The following RBM41 variants were observed in gnomAD, a reference collection of about 807,000 sequenced individuals.
RBM41 encodes RNA-binding protein 41.
A neutral mutation model predicts 30.8 loss-of-function variants in RBM41; 14 were observed. The ratio of observed to expected loss-of-function variants is 0.45; its 90% CI spans 0.30 to 0.71. The LOEUF is 0.71. RBM41 is among the 30% of genes least tolerant of loss of function. The probability of loss-of-function intolerance (pLI) is 0.08; values close to 1 mark genes in which losing one functional copy is unlikely to be tolerated. For synonymous variants in RBM41, 120 were observed against 110.1 expected, an observed-to-expected ratio of 1.09 and a Z score of -0.56; for missense variants, 276 against 326.3, an observed-to-expected ratio of 0.85 and a Z score of 1.19.
rs906179965 is a variant in RBM41 at position 107,063,192 on chromosome X, A to AC, written c.*4334dup. Among the ~76,000 whole-genome samples, 2 of 110,787 alleles carry AC rather than the reference A, an allele frequency of 1.8e-5. No homozygotes were observed. Among genetic ancestry groups the AC allele is most frequent in the Non-Finnish European group, 3.8e-5 (2 of 52,899 alleles). On this transcript the variant is annotated 3_prime_UTR_variant, in exon 8 of 8. Transcript: ENST00000685964. ...AGAAACTTCATACACTTCAACTGTT[A>AC]CCCCCAGCCCTTCCCATTCCCCCCA...
At chrX:107,113,246 CTCTT>C in intron 5 of RBM41, 147 bp downstream of exon 5, 1 of 669,522 alleles carries the variant, frequency 1.5e-6, no homozygotes, top group South Asian at 3.7e-5. Context: ...ACTAACTCCT[CTCTT>C]TAATATTCTG....
chrX:107,061,582 G>A (rs767966146), downstream of RBM41, among the ~76,000 whole-genome samples: 4 of 111,519 alleles, frequency 3.6e-5, no homozygotes, highest in Non-Finnish European at 3.8e-5. Flanking sequence ...AAAATGGTGG[G>A]CTTATATGTA....
At chrX:107,079,323 G>A (rs762028434) in intron 6 of RBM41, among the ~76,000 whole-genome samples, 54 of 111,737 alleles carry the variant, frequency 4.8e-4, no homozygotes, top group Non-Finnish European at 7.0e-4. Flanking sequence ...TCTGTAGATT[G>A]CAACAGTGAG....
At chrX:107,088,315 A>G in intron 6 of RBM41, 121 bp downstream of exon 6, 1 of 699,674 alleles carries the variant, frequency 1.4e-6, no homozygotes, top group Non-Finnish European at 2.1e-6. Flanking sequence ...GGACAAACAC[A>G]ATCACTGTGC....
the RBM41 span, among the ~76,000 whole-genome samples, chrX:107,055,264 G>T: frequency 8.9e-6 from 1 of 112,316 alleles, no homozygotes; most frequent in East Asian, 2.8e-4. Context: ...TATTTGAGTT[G>T]TTTTCACCAT....
chrX:107,105,877 T>A (rs1923926707), intron 5 of RBM41, among the ~76,000 whole-genome samples: 1 of 111,623 alleles, frequency 9.0e-6, no homozygotes, highest in Non-Finnish European at 1.9e-5. Flanking sequence ...TCAAGATGGA[T>A]TAAAGACTTA....
In RBM41 at chrX:107,105,550, C is replaced by T. The variant is rs780658690; in HGVS notation, c.595+7847G>A. Among the ~76,000 whole-genome samples the T allele has an allele frequency of 2.4e-3, 266 of 110,358 alleles. 2 individuals carry two copies. Among genetic ancestry groups the T allele is most frequent in the African/African-American group, 8.3e-3 (252 of 30,305 alleles). ...GTTCATATGGAACCAAAAAAGAGTC[C>T]GCATTGCCAAGTCAATCCTAAGCCA... On this transcript the variant is annotated intron_variant, in intron 5 of 7. Transcript: ENST00000685964.
At chrX:107,055,860 GTC>G in the RBM41 span, among the ~76,000 whole-genome samples, 3 of 112,017 alleles carry the variant, frequency 2.7e-5, no homozygotes, top group African/African-American at 9.7e-5. Flanking sequence ...CTAATGACTA[GTC>G]AAATCTAAGA....
chrX:107,100,989 C>T (rs1454196992), intron 5 of RBM41, among the ~76,000 whole-genome samples: 1 of 111,943 alleles, frequency 8.9e-6, no homozygotes, highest in Non-Finnish European at 1.9e-5. Flanking sequence ...CCAGAAAACA[C>T]CACAATATTG....
intron 5 of RBM41, among the ~76,000 whole-genome samples, chrX:107,101,657 T>C (rs7880950): frequency 0.019 from 2,151 of 111,785 alleles, 64 homozygotes; most frequent in African/African-American, 0.066. Flanking sequence ...GACCCAACCT[T>C]GCCAACATTT....
chrX:107,073,319 T>A (rs989434152), intron 6 of RBM41, among the ~76,000 whole-genome samples: 9 of 111,755 alleles, frequency 8.1e-5, no homozygotes, highest in Admixed American at 1.9e-4. Context: ...GATTTAAAAA[T>A]GGGCAAATGA....
chrX:107,100,287 T>A (rs1923338762), intron 5 of RBM41, among the ~76,000 whole-genome samples: 1 of 111,649 alleles, frequency 9.0e-6, no homozygotes, highest in Non-Finnish European at 1.9e-5. Context: ...ACATGGCGTG[T>A]GCCACTGTCC....
At chrX:107,118,127 C>T (rs1194470163) in intron 1 of RBM41, among the ~76,000 whole-genome samples, 1 of 110,601 alleles carries the variant, frequency 9.0e-6, no homozygotes, top group Non-Finnish European at 1.9e-5. Flanking sequence ...AGTTAGGAGG[C>T]TCAGGCCATT....
In RBM41 at chrX:107,063,500, G is replaced by C. The variant is rs1935720456; in HGVS notation, c.*4027C>G. Among the ~76,000 whole-genome samples the C allele has an allele frequency of 8.9e-6, 1 of 111,951 alleles. No individual in the cohort carries two copies. Among genetic ancestry groups the C allele is most frequent in the Non-Finnish European group, 1.9e-5 (1 of 53,162 alleles). ...TTTCAGCCTGGGCTCTTCTTTGTGG[G>C]TATCTTTTCAAAAACTCATTTAACC... On this transcript the variant is annotated 3_prime_UTR_variant, in exon 8 of 8. Coordinates refer to ENST00000685964, the MANE Select transcript of RBM41 (RefSeq NM_001324242.2).
intron 5 of RBM41, among the ~76,000 whole-genome samples, chrX:107,094,944 G>A (rs1922838687): frequency 9.0e-6 from 1 of 110,566 alleles, no homozygotes; most frequent in Admixed American, 9.6e-5. Flanking sequence ...TAAATATACG[G>A]TAATTAGTTA....
At chrX:107,115,762 G>A in intron 3 of RBM41, 100 bp downstream of exon 3, 17 of 1,021,637 alleles carry the variant, frequency 1.7e-5, no homozygotes, top group Non-Finnish European at 2.2e-5. Context: ...TCAGTTTTGT[G>A]AGAACTAGAA....
chrX:107,104,518 T>C (rs1923768368), intron 5 of RBM41, among the ~76,000 whole-genome samples: 1 of 111,626 alleles, frequency 9.0e-6, no homozygotes, highest in Admixed American at 9.5e-5. Flanking sequence ...TAACATATTA[T>C]ATTATCTATT....
intron 5 of RBM41, among the ~76,000 whole-genome samples, chrX:107,093,982 A>G (rs764285799): frequency 8.9e-6 from 1 of 111,919 alleles, no homozygotes; most frequent in South Asian, 3.7e-4. Flanking sequence ...AAATTAGGAA[A>G]CCTAGATAAA....
chrX:107,059,200 T>C (rs1222350349), downstream of RBM41, among the ~76,000 whole-genome samples: 1 of 111,314 alleles, frequency 9.0e-6, no homozygotes, highest in Non-Finnish European at 1.9e-5. Context: ...AAGGCCCCAA[T>C]TCCTCAAACC....
Sources: allele counts gnomAD v4.1 joint callset (sites outside exome capture counted in the v4.1 genomes callset), GRCh38; gene constraint gnomAD v4.1.1; transcripts MANE v1.5; gene names NCBI Gene and HGNC (gene_info 2026-07-23, HGNC 2026-07-21).